Variants in TSPEAR observed in about 807,000 individuals in gnomAD.
TSPEAR encodes thrombospondin type laminin G domain and EAR repeats, also known as thrombospondin-type laminin G domain and EAR repeat-containing protein.
Under a neutral mutation model 71.6 loss-of-function variants are expected in TSPEAR, and 69 were observed. The ratio of observed to expected loss-of-function variants is 0.96; its 90% CI spans 0.79 to 1.18. The LOEUF is 1.18. TSPEAR is among the 50% of genes most tolerant of loss of function. The pLI is 0.00. For missense variants in TSPEAR, 971 were observed against 894.9 expected, an observed-to-expected ratio of 1.09 and a Z score of -1.09; for synonymous variants, 402 against 387.2, an observed-to-expected ratio of 1.04 and a Z score of -0.45.
At position 44,529,866 on chromosome 21, in the gene TSPEAR, G is replaced by C. The variant is rs1555915502; in HGVS notation, c.722C>G (p.Ser241Cys). The C allele has an allele frequency of 1.2e-6, 2 of 1,613,770 alleles. No homozygotes were observed. The highest frequency in any genetic ancestry group is 2.2e-5 in the East Asian group (1 of 44,890). Reference sequence around the variant, plus strand: ...GAGAGCCTGCAGGACCCGTGGGATGGACAGCACCGCCAGCGGGGCGTTCCT... The same window carrying C: ...GAGAGCCTGCAGGACCCGTGGGATGCACAGCACCGCCAGCGGGGCGTTCCT... Reference protein sequence around the residue: ...PSRNAPLAVLSIPRVLQALTG... With the variant: ...PSRNAPLAVLCIPRVLQALTG... The change falls in exon 5 of 12, where the codon TCC becomes TGC. Residue 241 changes from serine to cysteine, a missense_variant. Physicochemically the swap from Ser to Cys is moderately radical, Grantham distance 112 (BLOSUM62 -1). Coordinates refer to ENST00000323084, the MANE Select transcript of TSPEAR (RefSeq NM_144991.3).
intron 1 of TSPEAR, among the ~76,000 whole-genome samples, chr21:44,652,945 A>G (rs1272676285): frequency 2.6e-5 from 4 of 152,140 alleles, no homozygotes; most frequent in Admixed American, 6.5e-5. Flanking sequence ...TCACAAGGTC[A>G]GGAGATCAAA....
intron 1 of TSPEAR, among the ~76,000 whole-genome samples, chr21:44,616,696 T>C (rs1555932499): frequency 6.6e-6 from 1 of 152,192 alleles, no homozygotes; most frequent in African/African-American, 2.4e-5. Flanking sequence ...GCAGTGAGAA[T>C]GAGACACCGT....
intron 9 of TSPEAR, among the ~76,000 whole-genome samples, chr21:44,514,515 A>C (rs1210664012): frequency 6.6e-6 from 1 of 152,212 alleles, no homozygotes; most frequent in East Asian, 1.9e-4. Context: ...AGGACCCCAC[A>C]TGCCGACAGC....
At chr21:44,591,700 G>T (rs782622821) in intron 1 of TSPEAR, 2 of 1,576,896 alleles carry the variant, frequency 1.3e-6, no homozygotes, top group Non-Finnish European at 1.7e-6. Flanking sequence ...GGGGGAGGAG[G>T]TGCAGCAAGC....
At chr21:44,534,381 T>TGTGAGGGGTGGGGCTG (rs2053049152) in intron 2 of TSPEAR, among the ~76,000 whole-genome samples, 1 of 38,598 alleles carries the variant, frequency 2.6e-5, no homozygotes, top group Non-Finnish European at 4.8e-5. Context: ...AGGGCTGGTG[T>TGTGAGGGGTGGGGCTG]GTGAGGGGTG....
Position 44,710,470 on chromosome 21 carries a change from C to G in TSPEAR, c.82+963G>C, listed in dbSNP as rs1469416717. On this transcript the variant is annotated intron_variant, in intron 1 of 11. Transcript: ENST00000323084. The surrounding 1 kb of genome is among the most constrained non-coding windows in gnomAD (Gnocchi z 4.6). Reference sequence around the variant, plus strand: ...TCAGCACGTTCCATACTCGGGTGATCGTGCTCATCCCCTGGTCATGTCATC... The same window carrying G: ...TCAGCACGTTCCATACTCGGGTGATGGTGCTCATCCCCTGGTCATGTCATC... Among the ~76,000 whole-genome samples, 1 of 146,760 alleles carries G rather than the reference C, an allele frequency of 6.8e-6. No homozygotes were observed. Among genetic ancestry groups the G allele is most frequent in the South Asian group, 2.4e-4 (1 of 4,198 alleles).
chr21:44,666,535 G>T, intron 1 of TSPEAR: 1 of 1,612,954 alleles, frequency 6.2e-7, no homozygotes, highest in Non-Finnish European at 8.5e-7. Flanking sequence ...TGGCAGGACG[G>T]AGCCGCATAC....
chr21:44,565,631 A>G (rs2053693033), intron 2 of TSPEAR, among the ~76,000 whole-genome samples: 1 of 152,378 alleles, frequency 6.6e-6, no homozygotes, highest in African/African-American at 2.4e-5. Flanking sequence ...GATTATAACA[A>G]TAGATGCAGA....
At chr21:44,703,818 C>G (rs1987774711) in intron 1 of TSPEAR, among the ~76,000 whole-genome samples, 1 of 152,088 alleles carries the variant, frequency 6.6e-6, no homozygotes. Context: ...GGGTCCCACA[C>G]CCAGCCTCAC....
At chr21:44,548,560 G>A (rs1255979023) in intron 2 of TSPEAR, among the ~76,000 whole-genome samples, 4 of 152,206 alleles carry the variant, frequency 2.6e-5, no homozygotes, top group Admixed American at 6.5e-5. Context: ...ACGTGAACAC[G>A]TGAACATGAG....
At chr21:44,652,078 C>T (rs980218621) in intron 1 of TSPEAR, among the ~76,000 whole-genome samples, 4 of 150,834 alleles carry the variant, frequency 2.7e-5, no homozygotes, top group African/African-American at 4.9e-5. Flanking sequence ...CCGCCTCCCG[C>T]GTTCACACAA....
intron 1 of TSPEAR, among the ~76,000 whole-genome samples, chr21:44,708,329 A>C (rs1225844792): frequency 6.6e-6 from 1 of 152,072 alleles, no homozygotes; most frequent in Non-Finnish European, 1.5e-5. Flanking sequence ...ACACGCAGCC[A>C]AGAGAAGGTG....
intron 1 of TSPEAR, chr21:44,575,248 C>G: frequency 1.7e-6 from 1 of 585,790 alleles, no homozygotes; most frequent in Non-Finnish European, 3.1e-6. Context: ...TATCTCCCAC[C>G]TCTCATGAGG....
chr21:44,589,009 G>A (rs1457705182), intron 1 of TSPEAR, among the ~76,000 whole-genome samples: 5 of 152,090 alleles, frequency 3.3e-5, no homozygotes, highest in Non-Finnish European at 7.4e-5. Context: ...GGGAAAGGGC[G>A]GGAAGGGGGT....
chr21:44,633,796 AT>A (rs1239984028), intron 1 of TSPEAR, among the ~76,000 whole-genome samples: 13 of 152,030 alleles, frequency 8.6e-5, no homozygotes, highest in African/African-American at 1.7e-4. Context: ...CTATTTAAAA[AT>A]TTTTTTTAAT....
intron 1 of TSPEAR, among the ~76,000 whole-genome samples, chr21:44,604,306 C>G (rs1409756662): frequency 6.6e-6 from 1 of 151,982 alleles, no homozygotes; most frequent in Non-Finnish European, 1.5e-5. Context: ...CAGTATGTAA[C>G]AAAAGATTCA....
chr21:44,628,100 G>A, intron 1 of TSPEAR: 2 of 1,574,054 alleles, frequency 1.3e-6, no homozygotes, highest in Non-Finnish European at 8.6e-7. Context: ...CTCCCTGCCA[G>A]TCCTTGGACC....
intron 1 of TSPEAR, among the ~76,000 whole-genome samples, chr21:44,690,865 A>G (rs1283689836): frequency 2.6e-5 from 4 of 152,174 alleles, no homozygotes; most frequent in African/African-American, 7.2e-5. Context: ...CTTCCACCTC[A>G]GCCTCTCAAG....
intron 10 of TSPEAR, among the ~76,000 whole-genome samples, chr21:44,505,972 CTG>C (rs1458413602): frequency 6.6e-6 from 1 of 152,158 alleles, no homozygotes; most frequent in Non-Finnish European, 1.5e-5. Context: ...GCTCTGGACA[CTG>C]TGCAGAAATG....
Sources: gnomAD v4.1 joint callset for allele counts (sites outside exome capture counted in the v4.1 genomes callset) on GRCh38, gnomAD v4.1.1 for gene constraint, Gnocchi (gnomAD v3.1) non-coding constraint, MANE v1.5 for transcripts, NCBI Gene and HGNC (gene_info 2026-07-23, HGNC 2026-07-21) for gene names.